ABCA13: variants seen among roughly 807,000 people sequenced by gnomAD.
The protein encoded by ABCA13 is ATP-binding cassette sub-family A member 13.
In ABCA13, 476 loss-of-function variants were observed where a neutral mutation model predicts 478.7. That is an observed-to-expected ratio of 0.99 (90% confidence interval 0.92 to 1.07). The LOEUF (loss-of-function observed/expected upper bound fraction) is 1.07, where lower values mean the gene tolerates loss of function less well. ABCA13 is among the 50% of genes least tolerant of loss of function. The probability of loss-of-function intolerance (pLI) is 0.00; values close to 1 mark genes in which losing one functional copy is unlikely to be tolerated. For synonymous variants in ABCA13, 2,252 were observed against 2,158.9 expected (o/e 1.04, Z -1.20); for missense variants, 6,060 against 5,910.6 (o/e 1.03, Z -0.83).
At position 48,279,859 on chromosome 7, in the gene ABCA13, T is replaced by C; in HGVS notation, c.8665T>C (p.Tyr2889His). Reference protein sequence around the residue: ...SFKPFFCLEKYLGGLFVLTKY... With the variant: ...SFKPFFCLEKHLGGLFVLTKY... ...CAAACCATTTTTCTGTTTGGAGAAA[T>C]ACCTGGGAGGATTATTTGTATTGAC... Residue 2889 changes from tyrosine to histidine, a missense_variant, in exon 18 of 62, where the codon TAC (tyrosine) becomes CAC (histidine). By Grantham distance (83) the Tyr-to-His change is moderately conservative. Transcript: ENST00000435803. The C allele has an allele frequency of 6.4e-7, 1 of 1,556,386 alleles. No individual in the cohort carries two copies. The highest frequency in any genetic ancestry group is 8.6e-7 in the Non-Finnish European group (1 of 1,156,682).
rs967127236 is a variant in ABCA13 at position 48,279,646 on chromosome 7, A to G, written c.8452A>G (p.Asn2818Asp). Residue 2818 changes from asparagine to aspartate, a missense_variant, in exon 18 of 62, where the codon AAT (asparagine) becomes GAT (aspartate). Asn to Asp is a conservative substitution (Grantham distance 23). Transcript: ENST00000435803. ...TCATCAACTTGAAAAAGCAATCCAT[A>G]ATGTTTTAAGTAGAATAGCTCTCTG... ...THHQLEKAIH[N>D]VLSRIALWRK... 3 of 1,613,018 alleles carry G rather than the reference A, an allele frequency of 1.9e-6. No individual in the cohort carries two copies. In the African/African-American group the frequency reaches 4.0e-5, roughly 22 times the overall value.
chr7:48,349,750 G>A (rs928013488), intron 29 of ABCA13, among the ~76,000 whole-genome samples: 2 of 152,182 alleles, frequency 1.3e-5, no homozygotes, highest in Non-Finnish European at 2.9e-5. Context: ...ATGGCAGGTA[G>A]GCTCCAAGCT....
intron 42 of ABCA13, among the ~76,000 whole-genome samples, chr7:48,442,930 G>T (rs1361537259): frequency 6.6e-6 from 1 of 152,178 alleles, no homozygotes; most frequent in African/African-American, 2.4e-5. Context: ...TTCCCTGTTT[G>T]TTGAAGTCTT....
intron 42 of ABCA13, among the ~76,000 whole-genome samples, chr7:48,449,799 C>T (rs866992506): frequency 6.6e-6 from 1 of 152,168 alleles, no homozygotes; most frequent in African/African-American, 2.4e-5. Flanking sequence ...GAAAATAGTC[C>T]TCATACCATT....
chr7:48,387,474 C>T (rs1241899672), intron 35 of ABCA13, among the ~76,000 whole-genome samples: 2 of 152,036 alleles, frequency 1.3e-5, no homozygotes. Flanking sequence ...AAAAGAAGAA[C>T]AATCACAAAA....
At chr7:48,515,099 A>G (rs1832008272) in intron 51 of ABCA13, among the ~76,000 whole-genome samples, 1 of 152,178 alleles carries the variant, frequency 6.6e-6, no homozygotes, top group African/African-American at 2.4e-5. Context: ...CTCTTATATC[A>G]TTTTGAAGTC....
At chr7:48,454,079 G>A (rs1204293208) in intron 42 of ABCA13, among the ~76,000 whole-genome samples, 1 of 152,134 alleles carries the variant, frequency 6.6e-6, no homozygotes, top group African/African-American at 2.4e-5. Context: ...AGTACAATCC[G>A]TTTAGTACAT....
intron 20 of ABCA13, 141 bp from the exon 21 acceptor site, chr7:48,295,559 A>G: frequency 9.3e-7 from 1 of 1,072,094 alleles, no homozygotes; most frequent in Non-Finnish European, 1.3e-6. Context: ...TCCACAGCCA[A>G]GGGCTCTTTC....
At chr7:48,406,381 T>C (rs1275592805) in intron 39 of ABCA13, among the ~76,000 whole-genome samples, 1 of 152,180 alleles carries the variant, frequency 6.6e-6, no homozygotes, top group Non-Finnish European at 1.5e-5. Context: ...TACCATCTCA[T>C]AGGATGTGAG....
At chr7:48,500,030 AG>A (rs1188398785) in intron 48 of ABCA13, among the ~76,000 whole-genome samples, 1 of 152,216 alleles carries the variant, frequency 6.6e-6, no homozygotes, top group African/African-American at 2.4e-5. Context: ...CCAGAAAATC[AG>A]GGTTGTAGTT....
chr7:48,252,498 A>C (rs147258395), intron 15 of ABCA13, among the ~76,000 whole-genome samples: 1 of 152,186 alleles, frequency 6.6e-6, no homozygotes, highest in African/African-American at 2.4e-5. Context: ...CTAGGCCACA[A>C]ACATATACAG....
At chr7:48,445,160 C>T (rs1044084708) in intron 42 of ABCA13, among the ~76,000 whole-genome samples, 2 of 152,070 alleles carry the variant, frequency 1.3e-5, no homozygotes, top group Non-Finnish European at 2.9e-5. Context: ...AGGTGCCCAC[C>T]ACCATGCCCA....
chr7:48,362,179 C>T (rs1269051130), intron 31 of ABCA13, among the ~76,000 whole-genome samples: 3 of 150,582 alleles, frequency 2.0e-5, no homozygotes, highest in Non-Finnish European at 2.9e-5. Flanking sequence ...TAATTTATGT[C>T]GTCTTGATCT....
At chr7:48,305,160 C>T (rs564149412) in intron 23 of ABCA13, among the ~76,000 whole-genome samples, 2 of 152,334 alleles carry the variant, frequency 1.3e-5, no homozygotes, top group East Asian at 1.9e-4. Flanking sequence ...CTCCCAACAA[C>T]CCTTTGGAGC....
intron 45 of ABCA13, among the ~76,000 whole-genome samples, chr7:48,475,569 G>A (rs1432657608): frequency 6.8e-6 from 1 of 146,994 alleles, no homozygotes; most frequent in Non-Finnish European, 1.5e-5. Context: ...GGGTTCAAGT[G>A]ATTCTTCTGC....
At position 48,198,483 on chromosome 7, in the gene ABCA13, TAA is replaced by T. The variant is rs1798241475; in HGVS notation, c.287+125_287+126del. 7.0e-6 allele frequency: 8 copies of T among 1,136,506 alleles called. No homozygotes were observed. The East Asian group carries it at 2.1e-4, about 30-fold the overall frequency. The allele number at this position is 1,136,506 out of a possible 1,614,324, so 70.4% of individuals were successfully genotyped here. ...CAGAGATCATGAGAAGTATAGAAAT[TAA>T]AGTTTTATTAAATTCAGAGTCATAT... On this transcript the variant is annotated intron_variant, in intron 3 of 61. Transcript: ENST00000435803.
intron 48 of ABCA13, among the ~76,000 whole-genome samples, chr7:48,498,370 GC>G (rs1349267638): frequency 6.6e-6 from 1 of 152,134 alleles, no homozygotes; most frequent in Non-Finnish European, 1.5e-5. Flanking sequence ...CTTTGGCAAT[GC>G]CTTGTTCAGG....
At chr7:48,479,213 G>A (rs1828494455) in intron 45 of ABCA13, among the ~76,000 whole-genome samples, 1 of 150,874 alleles carries the variant, frequency 6.6e-6, no homozygotes, top group Non-Finnish European at 1.5e-5. Context: ...GCCTCCCAAA[G>A]TTAAAATCTA....
chr7:48,225,993 A>C (rs368901218), intron 5 of ABCA13, among the ~76,000 whole-genome samples: 380 of 152,224 alleles, frequency 2.5e-3, no homozygotes, highest in Middle Eastern at 0.01. Flanking sequence ...CAGGGGCACG[A>C]GGGCAATGGG....
Sources: gnomAD v4.1 joint callset for allele counts (sites outside exome capture counted in the v4.1 genomes callset) on GRCh38, gnomAD v4.1.1 for gene constraint, MANE v1.5 for transcripts, NCBI Gene and HGNC (gene_info 2026-07-23, HGNC 2026-07-21) for gene names.